Variants in MTCL2 observed in about 807,000 individuals in gnomAD.
MTCL2 encodes the protein microtubule cross-linking factor 2.
chr20:36,832,849 A>G, the MTCL2 span, among the ~76,000 whole-genome samples: 10 of 152,058 alleles, frequency 6.6e-5, no homozygotes, highest in African/African-American at 9.7e-5. Context: ...TCTCAGAAAA[A>G]GAAAAAAAAA....
chr20:36,810,089 C>T, the MTCL2 span: 2 of 1,597,936 alleles, frequency 1.3e-6, no homozygotes, highest in Non-Finnish European at 1.7e-6. Context: ...TCAGCCAGCA[C>T]CAGCTGCAGC....
chr20:36,816,049 C>T, the MTCL2 span: 27 of 1,613,526 alleles, frequency 1.7e-5, no homozygotes, highest in Middle Eastern at 1.6e-4. Context: ...TCCAGCTCCA[C>T]GATGCGGCGG....
the MTCL2 span, chr20:36,862,891 C>G: frequency 8.0e-7 from 1 of 1,245,360 alleles, no homozygotes; most frequent in East Asian, 3.8e-5. Context: ...CGGACCCCCG[C>G]CGGGCCCCCG....
the MTCL2 span, among the ~76,000 whole-genome samples, chr20:36,839,896 C>T: frequency 6.6e-6 from 1 of 152,316 alleles, no homozygotes; most frequent in Admixed American, 6.5e-5. This position sits in a 1 kb window ranked among gnomAD's most constrained non-coding sequence, Gnocchi z 5.1. Flanking sequence ...GAGTCTCACT[C>T]TGTTGCCCAG....
chr20:36,806,037 C>T, the MTCL2 span: 1 of 1,197,976 alleles, frequency 8.3e-7, no homozygotes, highest in South Asian at 1.5e-5. Context: ...CCATGTAGGT[C>T]GAGGAGCACG....
chr20:36,856,875 T>C, the MTCL2 span, among the ~76,000 whole-genome samples: 3 of 152,214 alleles, frequency 2.0e-5, no homozygotes, highest in Admixed American at 6.5e-5. Context: ...CGCACGTGTG[T>C]GCGTGTGTCT....
At chr20:36,847,136 G>A in the MTCL2 span, among the ~76,000 whole-genome samples, 2 of 152,216 alleles carry the variant, frequency 1.3e-5, no homozygotes, top group African/African-American at 4.8e-5. Flanking sequence ...TGCTGAAAAC[G>A]TTCCTGTTTT....
chr20:36,806,095 C>A, the MTCL2 span: 1 of 634,220 alleles, frequency 1.6e-6, no homozygotes, highest in South Asian at 2.0e-5. Context: ...TATTCTGCCC[C>A]AAAGACCAGG....
At chr20:36,838,558 C>G in the MTCL2 span, among the ~76,000 whole-genome samples, 1 of 151,908 alleles carries the variant, frequency 6.6e-6, no homozygotes, top group African/African-American at 2.4e-5. Flanking sequence ...CTGCCTGATA[C>G]CTAGGCAACA....
At chr20:36,846,556 G>A in the MTCL2 span, among the ~76,000 whole-genome samples, 2 of 152,186 alleles carry the variant, frequency 1.3e-5, no homozygotes, top group African/African-American at 2.4e-5. Flanking sequence ...GAGAAAATCT[G>A]AAGAAGGTAG....
the MTCL2 span, among the ~76,000 whole-genome samples, chr20:36,818,671 G>GA: frequency 3.3e-5 from 5 of 152,178 alleles, no homozygotes; most frequent in South Asian, 6.2e-4. Flanking sequence ...AGCAATAGGG[G>GA]AAAAAATAGA....
the MTCL2 span, chr20:36,810,224 G>T: frequency 7.9e-7 from 1 of 1,267,960 alleles, no homozygotes; most frequent in Non-Finnish European, 1.1e-6. Context: ...GACCCAAGCT[G>T]TCCAAATACA....
At chr20:36,804,619 A>T in the MTCL2 span, 1 of 1,383,966 alleles carries the variant, frequency 7.2e-7, no homozygotes, top group Admixed American at 2.0e-5. Context: ...CCACAGGTGA[A>T]GCAACGGCAT....
At chr20:36,810,206 G>A in the MTCL2 span, 3 of 1,421,448 alleles carry the variant, frequency 2.1e-6, no homozygotes, top group Non-Finnish European at 2.8e-6. Flanking sequence ...GGGAACGATG[G>A]GATGTTGGAC....
the MTCL2 span, among the ~76,000 whole-genome samples, chr20:36,805,412 G>T: frequency 6.6e-6 from 1 of 152,176 alleles, no homozygotes; most frequent in African/African-American, 2.4e-5. Flanking sequence ...CTTATGGCTT[G>T]ATTTGAAGGT....
At chr20:36,827,251 C>T in the MTCL2 span, among the ~76,000 whole-genome samples, 1 of 151,760 alleles carries the variant, frequency 6.6e-6, no homozygotes, top group Non-Finnish European at 1.5e-5. Context: ...TGGGGTTTCG[C>T]CATGTTGGCC....
At chr20:36,839,292 C>T in the MTCL2 span, 43 of 1,612,060 alleles carry the variant, frequency 2.7e-5, no homozygotes, top group Non-Finnish European at 3.6e-5. This position sits in a 1 kb window ranked among gnomAD's most constrained non-coding sequence, Gnocchi z 5.1. Flanking sequence ...GACTGCGGCG[C>T]TCGGCTTTGC....
the MTCL2 span, chr20:36,839,503 C>T: frequency 2.0e-6 from 3 of 1,495,062 alleles, no homozygotes; most frequent in Middle Eastern, 1.7e-4. The surrounding 1 kb of genome is among the most constrained non-coding windows in gnomAD (Gnocchi z 5.1). Flanking sequence ...GGCCGGAGTA[C>T]TGGCCACACC....
At chr20:36,855,388 T>TCCGA in the MTCL2 span, among the ~76,000 whole-genome samples, 1 of 152,218 alleles carries the variant, frequency 6.6e-6, no homozygotes, top group Non-Finnish European at 1.5e-5. Context: ...AGGGCTGGCC[T>TCCGA]GCTGCTTCCA....
Sources: allele counts gnomAD v4.1 joint callset (sites outside exome capture counted in the v4.1 genomes callset), GRCh38; gene constraint gnomAD v4.1.1; non-coding constraint Gnocchi (gnomAD v3.1); transcripts MANE v1.5; gene names NCBI Gene and HGNC (gene_info 2026-07-23, HGNC 2026-07-21).